Variants in SPRY3 observed in about 807,000 individuals in gnomAD.
SPRY3 encodes the protein sprouty RTK signaling antagonist 3.
A neutral mutation model predicts 20.2 loss-of-function variants in SPRY3; 15 were observed. The observed-to-expected ratio is 0.74, with a 90% CI of 0.50 to 1.14. SPRY3 has a LOEUF of 1.14. Among genes scored for constraint, SPRY3 ranks in the 50% most tolerant of loss-of-function variants. SPRY3 has a pLI of 0.00. For missense variants in SPRY3, 364 were observed against 363.9 expected (o/e 1.00, Z 0.00); for synonymous variants, 143 against 136.5 (o/e 1.05, Z -0.33).
At chrX:155,714,911 G>T (rs1280870260) in intron 2 of SPRY3, among the ~76,000 whole-genome samples, 2 of 151,886 alleles carry the variant, frequency 1.3e-5, no homozygotes, top group African/African-American at 4.8e-5. Context: ...TTTGCGTAAA[G>T]CCTAAGGACT....
chrX:155,780,215 C>G (rs2091455371), downstream of SPRY3: 1 of 166,948 alleles, frequency 6.0e-6, no homozygotes, highest in Non-Finnish European at 1.5e-5. Context: ...TTGACCATAC[C>G]AGGTAATAGT....
At chrX:155,747,923 T>A (rs1484582525) in intron 2 of SPRY3, among the ~76,000 whole-genome samples, 2 of 151,926 alleles carry the variant, frequency 1.3e-5, no homozygotes, top group Non-Finnish European at 2.9e-5. Context: ...TGAAATGCTC[T>A]AAAAATGTCT....
At chrX:155,766,331 A>C (rs1437482700) in intron 2 of SPRY3, among the ~76,000 whole-genome samples, 1 of 152,170 alleles carries the variant, frequency 6.6e-6, no homozygotes, top group East Asian at 1.9e-4. Flanking sequence ...GGTAGAAAGG[A>C]CGTTAGCAAT....
At chrX:155,726,368 T>A (rs780712701) in intron 2 of SPRY3, among the ~76,000 whole-genome samples, 1 of 152,282 alleles carries the variant, frequency 6.6e-6, no homozygotes, top group Admixed American at 6.5e-5. Context: ...AAGTCCTGGA[T>A]ATCCTTGTTA....
At chrX:155,754,919 T>C (rs2091277929) in intron 2 of SPRY3, among the ~76,000 whole-genome samples, 1 of 152,066 alleles carries the variant, frequency 6.6e-6, no homozygotes. Context: ...CAACTTACTT[T>C]TGTATATTGA....
chrX:155,628,553 C>T (rs781936452), intron 1 of SPRY3, among the ~76,000 whole-genome samples: 1 of 111,830 alleles, frequency 8.9e-6, no homozygotes, highest in East Asian at 2.8e-4. Context: ...TTTACGTGGC[C>T]AACAAACATA....
At chrX:155,652,563 T>G (rs1557352493) in intron 1 of SPRY3, among the ~76,000 whole-genome samples, 2 of 112,217 alleles carry the variant, frequency 1.8e-5, no homozygotes, top group Non-Finnish European at 1.9e-5. Context: ...TTTTATTTCT[T>G]TTTATGGCTG....
At chrX:155,663,130 A>G (rs1378183802) in intron 2 of SPRY3, among the ~76,000 whole-genome samples, 1 of 112,433 alleles carries the variant, frequency 8.9e-6, no homozygotes, top group African/African-American at 3.2e-5. Context: ...TGAGATGGAT[A>G]AGCAACAGCA....
At chrX:155,717,120 C>G (rs1280319201) in intron 2 of SPRY3, among the ~76,000 whole-genome samples, 1 of 147,178 alleles carries the variant, frequency 6.8e-6, no homozygotes, top group African/African-American at 2.5e-5. Flanking sequence ...GATCACACCA[C>G]TGCACTCCAG....
chrX:155,617,362 G>A (rs945235069), intron 1 of SPRY3, among the ~76,000 whole-genome samples: 4 of 110,566 alleles, frequency 3.6e-5, no homozygotes, highest in South Asian at 3.9e-4. Context: ...CACTCTTGCC[G>A]TTAGAAACAT....
At chrX:155,757,861 T>C (rs1230449844) in intron 2 of SPRY3, among the ~76,000 whole-genome samples, 2 of 152,146 alleles carry the variant, frequency 1.3e-5, no homozygotes, top group Non-Finnish European at 2.9e-5. Flanking sequence ...ATGAGATGGG[T>C]GCCCATCAGC....
rs749530944 is a variant in SPRY3 at position 155,716,981 on chromosome X, A to AATATATATATATATATATATAT, written c.-281-50971_-281-50950dup. 3.2e-3 allele frequency among the ~76,000 whole-genome samples: 204 copies of AATATATATATATATATATATAT among 63,312 alleles called. 2 individuals are homozygous for AATATATATATATATATATATAT. The highest frequency in any genetic ancestry group is 4.1e-3 in the South Asian group (8 of 1,938). The allele number at this position is 63,312 out of a possible 152,430, so 41.5% of individuals were successfully genotyped here. On this transcript the variant is annotated intron_variant, in intron 2 of 3. Coordinates refer to ENST00000675360, the Ensembl canonical transcript of SPRY3. ...AAACCCTGTTTCCACTAAAATACAA[A>AATATATATATATATATATATAT]ATATATATATATATATATATATATA...
intron 2 of SPRY3, among the ~76,000 whole-genome samples, chrX:155,741,886 A>G (rs1012278591): frequency 5.9e-5 from 9 of 152,210 alleles, no homozygotes; most frequent in Admixed American, 5.9e-4. Flanking sequence ...AGCCACTACT[A>G]AAACACACTG....
chrX:155,775,681 G>C (rs2091420808), exon 4 of SPRY3: 2 of 167,038 alleles, frequency 1.2e-5, no homozygotes, highest in Non-Finnish European at 1.5e-5. Flanking sequence ...TTATAGTGCT[G>C]ACAGATTCCA....
chrX:155,729,812 G>T (rs1204754711), intron 2 of SPRY3, among the ~76,000 whole-genome samples: 1 of 151,730 alleles, frequency 6.6e-6, no homozygotes, highest in Non-Finnish European at 1.5e-5. Context: ...ACTTTAGACA[G>T]ACTCACTAAG....
chrX:155,619,083 G>A (rs1254031688), intron 1 of SPRY3, among the ~76,000 whole-genome samples: 3 of 70,243 alleles, frequency 4.3e-5, no homozygotes, highest in African/African-American at 4.2e-5. Context: ...TATGGATTGC[G>A]CTTTAGATGT....
chrX:155,730,672 C>A (rs928646391), intron 2 of SPRY3, among the ~76,000 whole-genome samples: 2 of 151,720 alleles, frequency 1.3e-5, no homozygotes, highest in African/African-American at 4.8e-5. Context: ...AGCAATCAGA[C>A]AAGAGAAAGA....
At chrX:155,672,843 A>C (rs1318161416) in intron 2 of SPRY3, among the ~76,000 whole-genome samples, 3 of 104,205 alleles carry the variant, frequency 2.9e-5, no homozygotes, top group Admixed American at 1.0e-4. Flanking sequence ...AGACTGGATT[A>C]AGAAAATGTG....
At chrX:155,728,240 G>A (rs1243997066) in intron 2 of SPRY3, among the ~76,000 whole-genome samples, 3 of 152,158 alleles carry the variant, frequency 2.0e-5, no homozygotes, top group Non-Finnish European at 4.4e-5. Context: ...CCCCTACTGG[G>A]AGGTGTCTCC....
Sources: gnomAD v4.1 joint callset for allele counts (sites outside exome capture counted in the v4.1 genomes callset) on GRCh38, gnomAD v4.1.1 for gene constraint, MANE v1.5 for transcripts, NCBI Gene and HGNC (gene_info 2026-07-23, HGNC 2026-07-21) for gene names.